The following DLGAP2 variants were observed in gnomAD, a reference collection of about 807,000 sequenced individuals.
DLGAP2 encodes DLG associated protein 2, also known as disks large-associated protein 2.
A neutral mutation model predicts 100.3 loss-of-function variants in DLGAP2; 26 were observed. The ratio of observed to expected loss-of-function variants is 0.26; its 90% CI spans 0.19 to 0.36. The LOEUF (loss-of-function observed/expected upper bound fraction) is 0.36. Among genes scored for constraint, DLGAP2 ranks in the 10% least tolerant of loss-of-function variants. The probability of loss-of-function intolerance (pLI) is 1.00; values close to 1 mark genes in which losing one functional copy is unlikely to be tolerated. For missense variants in DLGAP2, 1,858 were observed against 1,453.2 expected, an observed-to-expected ratio of 1.28 and a Z score of -4.53; for synonymous variants, 886 against 630.1, an observed-to-expected ratio of 1.41 and a Z score of -6.08.
At chr8:1,174,317 A>G (rs1247258946) in intron 2 of DLGAP2, among the ~76,000 whole-genome samples, 1 of 151,948 alleles carries the variant, frequency 6.6e-6, no homozygotes, top group African/African-American at 2.4e-5. Context: ...TACCATTACC[A>G]AAATCATTAT....
chr8:1,701,114 A>G, intron 14 of DLGAP2, 74 bp from the exon 15 acceptor site: 4 of 1,412,352 alleles, frequency 2.8e-6, no homozygotes, highest in East Asian at 2.5e-5. Context: ...GCCAGGCCCC[A>G]GGGCCGCTGA....
intron 2 of DLGAP2, among the ~76,000 whole-genome samples, chr8:1,160,973 ATGT>A (rs1162403140): frequency 6.6e-6 from 1 of 152,212 alleles, no homozygotes; most frequent in African/African-American, 2.4e-5. Context: ...AGCCACCAAG[ATGT>A]TGGTGAATGT....
chr8:1,451,770 A>G (rs973526097), intron 3 of DLGAP2, among the ~76,000 whole-genome samples: 1 of 152,026 alleles, frequency 6.6e-6, no homozygotes, highest in African/African-American at 2.4e-5. Flanking sequence ...CGACTCCCAC[A>G]TCTTCCTGAG....
At chr8:1,480,348 A>T (rs1419749374) in intron 3 of DLGAP2, among the ~76,000 whole-genome samples, 4 of 152,184 alleles carry the variant, frequency 2.6e-5, no homozygotes, top group South Asian at 2.1e-4. Flanking sequence ...GGGGCATCTC[A>T]GTGCTGACTC....
chr8:1,203,079 G>T (rs977614061), intron 2 of DLGAP2, among the ~76,000 whole-genome samples: 2 of 152,080 alleles, frequency 1.3e-5, no homozygotes, highest in African/African-American at 4.8e-5. Flanking sequence ...TCTCCCAAAT[G>T]GGCTGCTTGG....
intron 1 of DLGAP2, among the ~76,000 whole-genome samples, chr8:900,933 A>T (rs144735256): frequency 2.0e-4 from 31 of 152,340 alleles, no homozygotes; most frequent in Middle Eastern, 3.4e-3. Flanking sequence ...AAGTATTTTG[A>T]ACTTCCAAAA....
intron 14 of DLGAP2, 144 bp downstream of exon 14, chr8:1,697,443 C>G (rs528033682): frequency 1.2e-4 from 146 of 1,199,740 alleles, no homozygotes; most frequent in South Asian, 2.9e-4. Flanking sequence ...TATGTGTGCA[C>G]ATGTGTATAC....
intron 1 of DLGAP2, among the ~76,000 whole-genome samples, chr8:748,159 C>G (rs71514197): frequency 4.5e-4 from 10 of 22,024 alleles, no homozygotes; most frequent in African/African-American, 1.4e-3. Flanking sequence ...GTGGGATGGG[C>G]GGGTCTGCGG....
intron 2 of DLGAP2, among the ~76,000 whole-genome samples, chr8:1,026,828 G>A (rs1383467242): frequency 2.0e-5 from 3 of 152,250 alleles, no homozygotes; most frequent in East Asian, 3.9e-4. Context: ...TGAGATTAAC[G>A]ACTTATATGA....
At chr8:1,059,354 G>C (rs903328842) in intron 2 of DLGAP2, among the ~76,000 whole-genome samples, 14 of 152,246 alleles carry the variant, frequency 9.2e-5, no homozygotes, top group Middle Eastern at 3.4e-3. Flanking sequence ...GGCATGAGGG[G>C]TGGCATATTC....
intron 2 of DLGAP2, among the ~76,000 whole-genome samples, chr8:1,127,826 C>T (rs1438915677): frequency 6.6e-6 from 1 of 152,186 alleles, no homozygotes; most frequent in African/African-American, 2.4e-5. Context: ...TTGATGTGGC[C>T]TCATAAGGGT....
intron 6 of DLGAP2, among the ~76,000 whole-genome samples, chr8:1,597,777 A>G (rs754877936): frequency 5.3e-5 from 8 of 152,210 alleles, no homozygotes; most frequent in East Asian, 1.9e-4. Context: ...GGCTGAGACA[A>G]TGGGGTTTTC....
chr8:905,912 ACC>A (rs1798370177), intron 1 of DLGAP2, among the ~76,000 whole-genome samples: 1 of 151,698 alleles, frequency 6.6e-6, no homozygotes, highest in African/African-American at 2.4e-5. Context: ...CGTGGCTGAG[ACC>A]ATGAAAGGGC....
intron 3 of DLGAP2, among the ~76,000 whole-genome samples, chr8:1,348,607 A>G (rs1248844708): frequency 1.9e-4 from 29 of 151,878 alleles, no homozygotes; most frequent in Non-Finnish European, 3.7e-4. Context: ...CATTGCACTC[A>G]TGGTAGCTGT....
intron 4 of DLGAP2, among the ~76,000 whole-genome samples, chr8:1,534,690 G>T (rs117703078): frequency 1.1e-4 from 17 of 152,110 alleles, no homozygotes; most frequent in African/African-American, 3.9e-4. Context: ...TGTCCATCTC[G>T]CTATTGAACC....
intron 3 of DLGAP2, among the ~76,000 whole-genome samples, chr8:1,444,743 T>C (rs1797934103): frequency 6.6e-6 from 1 of 151,610 alleles, no homozygotes; most frequent in Non-Finnish European, 1.5e-5. Flanking sequence ...AGTAGGCATT[T>C]CATGATCATG....
chr8:1,446,556 G>T (rs1797990975), intron 3 of DLGAP2, among the ~76,000 whole-genome samples: 1 of 152,094 alleles, frequency 6.6e-6, no homozygotes, highest in Non-Finnish European at 1.5e-5. Flanking sequence ...TTTGGCTTAG[G>T]ATTGACTTGG....
At chr8:762,385 C>T (rs1486884574) in intron 1 of DLGAP2, among the ~76,000 whole-genome samples, 1 of 152,150 alleles carries the variant, frequency 6.6e-6, no homozygotes, top group African/African-American at 2.4e-5. Flanking sequence ...AGAAGTATAA[C>T]ATGATGGATG....
intron 3 of DLGAP2, among the ~76,000 whole-genome samples, chr8:1,460,133 C>A (rs1466158200): frequency 2.0e-5 from 3 of 152,158 alleles, no homozygotes; most frequent in African/African-American, 4.8e-5. Context: ...TCTGCGGCCC[C>A]GGGCTTCTGT....
Sources: allele counts gnomAD v4.1 joint callset (sites outside exome capture counted in the v4.1 genomes callset), GRCh38; gene constraint gnomAD v4.1.1; transcripts MANE v1.5; gene names NCBI Gene and HGNC (gene_info 2026-07-23, HGNC 2026-07-21).